Variants in CFAP299 observed in about 807,000 individuals in gnomAD.
The protein encoded by CFAP299 is cilia and flagella associated protein 299, also known as cilia- and flagella-associated protein 299.
Under a neutral mutation model 27.0 loss-of-function variants are expected in CFAP299, and 21 were observed. That is an observed-to-expected ratio of 0.78 (90% confidence interval 0.55 to 1.12). The LOEUF is 1.12. Among genes scored for constraint, CFAP299 ranks in the 50% most tolerant of loss-of-function variants. The probability of loss-of-function intolerance (pLI) is 0.00; values close to 1 mark genes in which losing one functional copy is unlikely to be tolerated. For synonymous variants in CFAP299, 104 were observed against 98.1 expected, an observed-to-expected ratio of 1.06 and a Z score of -0.36; for missense variants, 310 against 276.6, an observed-to-expected ratio of 1.12 and a Z score of -0.86.
chr4:80,393,614 G>C (rs1021990740), intron 2 of CFAP299, among the ~76,000 whole-genome samples: 5 of 152,132 alleles, frequency 3.3e-5, no homozygotes, highest in African/African-American at 9.7e-5. Flanking sequence ...GCAGTATTCA[G>C]TACAGTAACA....
At chr4:80,860,502 A>G (rs1447056697) in intron 3 of CFAP299, among the ~76,000 whole-genome samples, 1 of 151,762 alleles carries the variant, frequency 6.6e-6, no homozygotes, top group Non-Finnish European at 1.5e-5. Context: ...TAGAGTTGCC[A>G]TTTTTTCTGC....
intron 2 of CFAP299, among the ~76,000 whole-genome samples, chr4:80,443,042 T>A (rs114283239): frequency 0.012 from 1,885 of 152,226 alleles, 46 homozygotes; most frequent in African/African-American, 0.042. Flanking sequence ...AGACAGTAGT[T>A]AATAGCCTAC....
intron 5 of CFAP299, among the ~76,000 whole-genome samples, chr4:80,959,236 G>T (rs1738217467): frequency 6.6e-6 from 1 of 150,782 alleles, no homozygotes; most frequent in African/African-American, 2.4e-5. Flanking sequence ...AAGAAGCCTT[G>T]AGATAGATAT....
rs765967357 is a variant in CFAP299, at chr4:80,944,941, T to C, written c.606+2T>C. On this transcript the variant is annotated splice_donor_variant, in intron 5 of 5. Coordinates refer to ENST00000358105, the MANE Select transcript of CFAP299 (RefSeq NM_152770.3). LOFTEE classifies it high-confidence loss of function. ...AAAATTCTTAATGTGGACCCAAAGG[T>C]AATTCTTCTTTTACACTTAGTTAGT... is the stretch of plus-strand genomic sequence containing the variant. The C allele has an allele frequency of 4.3e-6, 7 of 1,609,924 alleles. No homozygotes were observed. The South Asian group carries it at 7.7e-5, about 18-fold the overall frequency.
chr4:80,714,003 TGA>T (rs1157870587), intron 3 of CFAP299, among the ~76,000 whole-genome samples: 7 of 152,120 alleles, frequency 4.6e-5, no homozygotes, highest in Non-Finnish European at 1.0e-4. Context: ...ATTAAACTTA[TGA>T]GATAGTGGAA....
At chr4:80,487,456 C>CT (rs1730879689) in intron 2 of CFAP299, among the ~76,000 whole-genome samples, 1 of 152,178 alleles carries the variant, frequency 6.6e-6, no homozygotes, top group African/African-American at 2.4e-5. Flanking sequence ...TTGTTAGACT[C>CT]TCCAAAAGGC....
intron 3 of CFAP299, among the ~76,000 whole-genome samples, chr4:80,676,892 A>G (rs1432215385): frequency 6.6e-6 from 1 of 151,834 alleles, no homozygotes; most frequent in Admixed American, 6.6e-5. Flanking sequence ...TTTTCAAAAA[A>G]CCAACTTTTC....
intron 3 of CFAP299, among the ~76,000 whole-genome samples, chr4:80,794,341 T>C (rs1727733760): frequency 1.3e-5 from 2 of 152,176 alleles, no homozygotes; most frequent in Non-Finnish European, 2.9e-5. Flanking sequence ...GCAAAAATTT[T>C]GCTAGTGGAT....
chr4:80,575,853 A>T (rs1241229678), intron 2 of CFAP299, among the ~76,000 whole-genome samples: 2 of 152,084 alleles, frequency 1.3e-5, no homozygotes, highest in Non-Finnish European at 2.9e-5. Flanking sequence ...TTGCTTCAAG[A>T]TATTTTTAAA....
At chr4:80,726,895 A>G (rs977417502) in intron 3 of CFAP299, among the ~76,000 whole-genome samples, 5 of 152,016 alleles carry the variant, frequency 3.3e-5, no homozygotes, top group Non-Finnish European at 7.4e-5. Context: ...ATCAATTGGT[A>G]TTTTCTCATC....
At chr4:80,514,883 T>G (rs1732506649) in intron 2 of CFAP299, among the ~76,000 whole-genome samples, 1 of 152,110 alleles carries the variant, frequency 6.6e-6, no homozygotes, top group African/African-American at 2.4e-5. Context: ...CAAATTATTT[T>G]ATAAAAGACT....
At chr4:80,443,634 C>G (rs1728475582) in intron 2 of CFAP299, among the ~76,000 whole-genome samples, 1 of 152,110 alleles carries the variant, frequency 6.6e-6, no homozygotes, top group Admixed American at 6.5e-5. Context: ...ACAAGGATGC[C>G]CTCTCTCACC....
chr4:80,851,346 T>C (rs1560444591), intron 3 of CFAP299, among the ~76,000 whole-genome samples: 1 of 152,178 alleles, frequency 6.6e-6, no homozygotes, highest in Non-Finnish European at 1.5e-5. Context: ...TTGTAAAACT[T>C]CCATCAACAT....
chr4:80,858,494 T>C (rs1254402390), intron 3 of CFAP299, among the ~76,000 whole-genome samples: 1 of 152,194 alleles, frequency 6.6e-6, no homozygotes, highest in Non-Finnish European at 1.5e-5. Flanking sequence ...CTTTTAATTG[T>C]GATGTTGGGG....
chr4:80,800,445 GAT>G (rs1728415317), intron 3 of CFAP299, among the ~76,000 whole-genome samples: 1 of 31,422 alleles, frequency 3.2e-5, no homozygotes, highest in Non-Finnish European at 4.9e-5. Flanking sequence ...ATAATATATT[GAT>G]ATATTAATAT....
intron 4 of CFAP299, among the ~76,000 whole-genome samples, chr4:80,877,807 A>AAT (rs1733490875): frequency 6.6e-6 from 1 of 152,122 alleles, no homozygotes; most frequent in African/African-American, 2.4e-5. Context: ...AAGTTCAAAG[A>AAT]ATAGTACAAT....
chr4:80,736,312 T>C (rs1397266697), intron 3 of CFAP299, among the ~76,000 whole-genome samples: 4 of 152,122 alleles, frequency 2.6e-5, no homozygotes, highest in Non-Finnish European at 1.5e-5. Flanking sequence ...CTAGCCAGTT[T>C]TCCCAGCACC....
At chr4:80,940,969 T>C (rs1737165406) in intron 4 of CFAP299, among the ~76,000 whole-genome samples, 1 of 152,180 alleles carries the variant, frequency 6.6e-6, no homozygotes, top group Non-Finnish European at 1.5e-5. Flanking sequence ...TATACAGTTT[T>C]CCCTTTGTTT....
chr4:80,539,529 A>G (rs1733902151), intron 2 of CFAP299, among the ~76,000 whole-genome samples: 1 of 152,166 alleles, frequency 6.6e-6, no homozygotes, highest in Non-Finnish European at 1.5e-5. Flanking sequence ...GTTTTCTGGT[A>G]CTTGGCTCTG....
Sources: allele counts gnomAD v4.1 joint callset (sites outside exome capture counted in the v4.1 genomes callset), GRCh38; gene constraint gnomAD v4.1.1; transcripts MANE v1.5; gene names NCBI Gene and HGNC (gene_info 2026-07-23, HGNC 2026-07-21).